The following CCDC148 variants were observed in gnomAD, a reference collection of about 807,000 sequenced individuals.
The protein encoded by CCDC148 is coiled-coil domain-containing protein 148.
CCDC148 carries 89 observed loss-of-function variants against 85.7 expected under a neutral mutation model. The ratio of observed to expected loss-of-function variants is 1.04; its 90% CI spans 0.87 to 1.24. The LOEUF is 1.24. Ranked by LOEUF, CCDC148 falls within the 50% of genes most tolerant of loss-of-function variation. The pLI is 0.00. For missense variants in CCDC148, 692 were observed against 671.7 expected (o/e 1.03, Z -0.33); for synonymous variants, 230 against 213.9 (o/e 1.08, Z -0.66).
At chr2:158,432,584 A>G (rs370174429) in intron 1 of CCDC148, among the ~76,000 whole-genome samples, 2 of 152,176 alleles carry the variant, frequency 1.3e-5, no homozygotes, top group African/African-American at 4.8e-5. Flanking sequence ...TATTAACTCA[A>G]TTTCCTTATT....
intron 7 of CCDC148, among the ~76,000 whole-genome samples, chr2:158,321,614 A>G (rs1298203099): frequency 6.6e-6 from 1 of 152,144 alleles, no homozygotes; most frequent in Non-Finnish European, 1.5e-5. Flanking sequence ...AAGTAAGCAA[A>G]TGTCAGTTAC....
chr2:158,288,487 C>G (rs922576719), intron 9 of CCDC148: 3 of 152,716 alleles, frequency 2.0e-5, no homozygotes, highest in South Asian at 2.1e-4. Flanking sequence ...TTATCTCTCT[C>G]AAGTTCAAAG....
chr2:158,288,181 A>G (rs1218897412), intron 9 of CCDC148, among the ~76,000 whole-genome samples: 2 of 152,114 alleles, frequency 1.3e-5, no homozygotes, highest in Admixed American at 1.3e-4. Flanking sequence ...TTTTCCTCCT[A>G]CACTCTGCCC....
chr2:158,292,843 A>C (rs920195362), intron 9 of CCDC148, among the ~76,000 whole-genome samples: 1 of 152,246 alleles, frequency 6.6e-6, no homozygotes, highest in African/African-American at 2.4e-5. Context: ...CCAGATGTAA[A>C]CTATTTGAAA....
intron 10 of CCDC148, among the ~76,000 whole-genome samples, chr2:158,225,388 C>A (rs1294023570): frequency 6.6e-6 from 1 of 152,088 alleles, no homozygotes; most frequent in South Asian, 2.1e-4. Flanking sequence ...CAACATTAGA[C>A]AGATCAACGA....
chr2:158,440,441 A>G (rs1170264912), intron 1 of CCDC148, among the ~76,000 whole-genome samples: 1 of 152,182 alleles, frequency 6.6e-6, no homozygotes, highest in Non-Finnish European at 1.5e-5. Context: ...CAACAGGTAG[A>G]TGAATAAAGA....
At chr2:158,280,759 G>A (rs1690244643) in intron 9 of CCDC148, among the ~76,000 whole-genome samples, 1 of 152,126 alleles carries the variant, frequency 6.6e-6, no homozygotes, top group Non-Finnish European at 1.5e-5. Context: ...ATTGAACTCA[G>A]CTCTGCACCA....
At chr2:158,425,883 C>A (rs1247040570) in intron 1 of CCDC148, among the ~76,000 whole-genome samples, 1 of 152,180 alleles carries the variant, frequency 6.6e-6, no homozygotes, top group Non-Finnish European at 1.5e-5. Context: ...TCACTGGAAG[C>A]TTTCTAGTAG....
chr2:158,280,419 G>A lies in CCDC148; in HGVS notation c.1110+29014C>T, dbSNP rs936775071. Among the ~76,000 whole-genome samples the A allele has an allele frequency of 1.2e-4, 19 of 152,196 alleles. 1 individual carries two copies. Among genetic ancestry groups the A allele is most frequent in the Admixed American group, 9.2e-4 (14 of 15,284 alleles). On this transcript the variant is annotated intron_variant, in intron 9 of 13. Transcript: ENST00000283233. ...GAGACACACACAGGCTCAAAATAAA[G>A]GGATGGAGGAAGATGTACCAAGCAA... is the stretch of plus-strand genomic sequence containing the variant.
intron 1 of CCDC148, among the ~76,000 whole-genome samples, chr2:158,435,507 T>G (rs1418260550): frequency 1.3e-5 from 2 of 152,176 alleles, no homozygotes; most frequent in Admixed American, 6.5e-5. Flanking sequence ...CAACTGGTAC[T>G]GGCCACTGCA....
At chr2:158,369,152 G>A (rs1010157917) in intron 1 of CCDC148, among the ~76,000 whole-genome samples, 12 of 151,694 alleles carry the variant, frequency 7.9e-5, no homozygotes, top group African/African-American at 2.7e-4. Flanking sequence ...TTCACTATAC[G>A]GGCTCTTTTT....
chr2:158,215,570 G>A (rs77181657), intron 11 of CCDC148, among the ~76,000 whole-genome samples: 8,558 of 151,362 alleles, frequency 0.057, 345 homozygotes, highest in African/African-American at 0.12. Flanking sequence ...ATACTTTAAA[G>A]TTCTAGGGTA....
intron 7 of CCDC148, among the ~76,000 whole-genome samples, chr2:158,328,196 A>T (rs1692888743): frequency 6.6e-6 from 1 of 151,960 alleles, no homozygotes; most frequent in Non-Finnish European, 1.5e-5. Context: ...CCAGTGTGCG[A>T]TGTTGCCCTT....
At chr2:158,315,666 G>A (rs1420031330) in intron 7 of CCDC148, among the ~76,000 whole-genome samples, 1 of 148,444 alleles carries the variant, frequency 6.7e-6, no homozygotes, top group African/African-American at 2.4e-5. Flanking sequence ...TTTATTAGAT[G>A]GAATTCCCAT....
chr2:158,171,374 G>T lies in CCDC148; in HGVS notation c.*739C>A, dbSNP rs923814395. ...GAAATAGTCAAATATTTATGTTTGA[G>T]TTTTATTTTAAATGCTCCTTTTCTA... is the stretch of plus-strand genomic sequence containing the variant. On this transcript the variant is annotated 3_prime_UTR_variant, in exon 14 of 14. Transcript: ENST00000283233. The T allele has an allele frequency of 6.6e-6, 1 of 151,722 alleles. No homozygotes were observed. Among genetic ancestry groups the T allele is most frequent in the Admixed American group, 6.6e-5 (1 of 15,186 alleles). The allele number at this position is 151,722 out of a possible 1,614,324, so 9.4% of individuals were successfully genotyped here. A position where few individuals can be genotyped will look rare whatever the true frequency, so the allele number is the denominator to read the frequency against.
At chr2:158,214,886 A>G (rs998881866) in intron 11 of CCDC148, among the ~76,000 whole-genome samples, 4 of 152,198 alleles carry the variant, frequency 2.6e-5, no homozygotes, top group Non-Finnish European at 5.9e-5. Flanking sequence ...GCTGGAGATT[A>G]AATTTGGTAT....
intron 1 of CCDC148, among the ~76,000 whole-genome samples, chr2:158,379,186 A>G (rs572977148): frequency 6.6e-6 from 1 of 152,174 alleles, no homozygotes. Flanking sequence ...GAAGAGGTTG[A>G]TTCCAACCCT....
chr2:158,456,099 A>G (rs923666309), intron 1 of CCDC148, among the ~76,000 whole-genome samples: 1 of 152,230 alleles, frequency 6.6e-6, no homozygotes, highest in African/African-American at 2.4e-5. Flanking sequence ...GGATGTACAC[A>G]CAGATGTGTT....
chr2:158,388,598 G>A (rs1313965004), intron 1 of CCDC148, among the ~76,000 whole-genome samples: 1 of 152,066 alleles, frequency 6.6e-6, no homozygotes, highest in Non-Finnish European at 1.5e-5. Flanking sequence ...GAGTTCAAGC[G>A]ATTCTCCTGC....
Sources: allele counts gnomAD v4.1 joint callset (sites outside exome capture counted in the v4.1 genomes callset), GRCh38; gene constraint gnomAD v4.1.1; transcripts MANE v1.5; gene names NCBI Gene and HGNC (gene_info 2026-07-23, HGNC 2026-07-21).